PRKCE: variants seen among roughly 807,000 people sequenced by gnomAD.
PRKCE encodes the protein protein kinase C epsilon, also known as protein kinase C epsilon type.
A neutral mutation model predicts 85.4 loss-of-function variants in PRKCE; 16 were observed. The ratio of observed to expected loss-of-function variants is 0.19; its 90% CI spans 0.13 to 0.28. The LOEUF (loss-of-function observed/expected upper bound fraction) is 0.28. Ranked by LOEUF, PRKCE falls within the 10% of genes least tolerant of loss-of-function variation. The pLI is 1.00. For synonymous variants in PRKCE, 388 were observed against 371.5 expected, an observed-to-expected ratio of 1.04 and a Z score of -0.51; for missense variants, 573 against 975.2, an observed-to-expected ratio of 0.59 and a Z score of 5.49.
chr2:46,023,724 G>T (rs530702043), intron 10 of PRKCE, among the ~76,000 whole-genome samples: 1 of 152,246 alleles, frequency 6.6e-6, no homozygotes, highest in African/African-American at 2.4e-5. Context: ...GGAGGTTACC[G>T]GTTCCAGTGA....
chr2:45,847,009 G>A (rs959038818), intron 2 of PRKCE, among the ~76,000 whole-genome samples: 1 of 152,148 alleles, frequency 6.6e-6, no homozygotes, highest in Non-Finnish European at 1.5e-5. Context: ...CGCTGGGGTG[G>A]GACATGTTCA....
intron 10 of PRKCE, among the ~76,000 whole-genome samples, chr2:46,012,848 T>C (rs1366316713): frequency 6.6e-6 from 1 of 152,220 alleles, no homozygotes; most frequent in East Asian, 1.9e-4. Flanking sequence ...CAAAATGGTG[T>C]TGAATAACAC....
At position 45,839,946 on chromosome 2, in the gene PRKCE, T is replaced by C. The variant is rs181662577; in HGVS notation, c.349-3054T>C. Among the ~76,000 whole-genome samples, 138 of 152,370 alleles carry C rather than the reference T, an allele frequency of 9.1e-4. 1 individual carries two copies. The highest frequency in any genetic ancestry group is 3.2e-3 in the African/African-American group (135 of 41,584). The stretch of plus-strand genomic sequence containing the variant: ...CCAGCACGGAGGCTGCAGTGGGTGC[T>C]AAAATGCTTTCTGATTGCTATCTTG... On this transcript the variant is annotated intron_variant, in intron 1 of 14. Transcript: ENST00000306156.
At chr2:45,684,700 AT>A (rs1171081107) in intron 1 of PRKCE, among the ~76,000 whole-genome samples, 1 of 152,054 alleles carries the variant, frequency 6.6e-6, no homozygotes, top group Non-Finnish European at 1.5e-5. Flanking sequence ...CTGCACCTCG[AT>A]TTTCATTTCT....
At chr2:45,898,339 G>A (rs544671646) in intron 2 of PRKCE, among the ~76,000 whole-genome samples, 114 of 152,326 alleles carry the variant, frequency 7.5e-4, no homozygotes, top group Middle Eastern at 6.8e-3. Flanking sequence ...TTCAGTCTGA[G>A]CATGTTAGTG....
At chr2:45,684,911 C>T (rs979192822) in intron 1 of PRKCE, among the ~76,000 whole-genome samples, 3 of 152,174 alleles carry the variant, frequency 2.0e-5, no homozygotes, top group African/African-American at 7.2e-5. Context: ...AAAGAGGAAA[C>T]AGAAGGTAGA....
At chr2:45,990,751 T>C (rs1337070228) in intron 6 of PRKCE, among the ~76,000 whole-genome samples, 1 of 151,486 alleles carries the variant, frequency 6.6e-6, no homozygotes, top group Non-Finnish European at 1.5e-5. Context: ...AACTTTCACC[T>C]CCCAGGTTCA....
In PRKCE at chr2:45,979,018, G is replaced by T; in HGVS notation, c.607+8G>T. ...AGGGATACCAGTGTCAAGGTAAGAG[G>T]CATTTATGAATTAAATCTTCAGAGG... is the stretch of plus-strand genomic sequence containing the variant. On this transcript the variant is annotated splice_region_variant and intron_variant, in intron 4 of 14. Coordinates refer to ENST00000306156, the MANE Select transcript of PRKCE (RefSeq NM_005400.3). The T allele has an allele frequency of 1.9e-6, 3 of 1,598,694 alleles. No homozygotes were observed. Among genetic ancestry groups the T allele is most frequent in the Non-Finnish European group, 2.5e-6 (3 of 1,179,154 alleles).
At chr2:45,904,674 A>G (rs1183610024) in intron 2 of PRKCE, among the ~76,000 whole-genome samples, 5 of 152,176 alleles carry the variant, frequency 3.3e-5, no homozygotes, top group Non-Finnish European at 5.9e-5. Context: ...GGATCTCACC[A>G]GGAAGAAAAA....
chr2:45,988,916 T>C (rs950500201), intron 6 of PRKCE, among the ~76,000 whole-genome samples: 5 of 152,300 alleles, frequency 3.3e-5, no homozygotes, highest in East Asian at 1.9e-4. Flanking sequence ...TATTTTCCCA[T>C]TGACACATGG....
chr2:46,174,865 T>A (rs1288270332), intron 14 of PRKCE, among the ~76,000 whole-genome samples: 1 of 151,962 alleles, frequency 6.6e-6, no homozygotes, highest in Non-Finnish European at 1.5e-5. Context: ...AATTTTTGTA[T>A]TTTTTTGTAA....
At chr2:45,930,236 A>G (rs551193406) in intron 2 of PRKCE, among the ~76,000 whole-genome samples, 6 of 152,338 alleles carry the variant, frequency 3.9e-5, no homozygotes, top group African/African-American at 1.4e-4. Flanking sequence ...GAAATAGAGG[A>G]AGGCTAACTT....
intron 2 of PRKCE, among the ~76,000 whole-genome samples, chr2:45,898,941 A>C (rs1219688616): frequency 6.6e-6 from 1 of 152,222 alleles, no homozygotes. Flanking sequence ...TCCCAAAAAG[A>C]AAGCAGCCCC....
At chr2:45,781,080 C>T (rs547874363) in intron 1 of PRKCE, among the ~76,000 whole-genome samples, 1 of 152,248 alleles carries the variant, frequency 6.6e-6, no homozygotes, top group African/African-American at 2.4e-5. Flanking sequence ...AGGCTGTAAT[C>T]CCAGCACTTT....
chr2:45,787,183 C>T (rs888051761), intron 1 of PRKCE, among the ~76,000 whole-genome samples: 6 of 152,240 alleles, frequency 3.9e-5, no homozygotes, highest in African/African-American at 1.4e-4. Flanking sequence ...CGCTGAGCTT[C>T]TCAACAGGAG....
intron 2 of PRKCE, among the ~76,000 whole-genome samples, chr2:45,884,362 GTGACCTGTCCAGGGTTCATAGTA>G (rs1158248702): frequency 6.6e-6 from 1 of 152,226 alleles, no homozygotes; most frequent in African/African-American, 2.4e-5. Flanking sequence ...AAAACCAGAA[GTGACCTGTCCAGGGTTCATAGTA>G]TGACGACAGG....
rs1687638553 is a variant in PRKCE at position 45,798,848 on chromosome 2, C to T, written c.349-44152C>T. Among the ~76,000 whole-genome samples the T allele has an allele frequency of 2.6e-5, 4 of 151,352 alleles. No homozygotes were observed. In the South Asian group the frequency reaches 8.3e-4, roughly 31 times the overall value. Reference sequence around the variant, plus strand: ...ATTGTATTTCTTATTATTATGGGCACATAATTGGTGTTTTCTGTTTTTTAA... The same window carrying T: ...ATTGTATTTCTTATTATTATGGGCATATAATTGGTGTTTTCTGTTTTTTAA... On this transcript the variant is annotated intron_variant, in intron 1 of 14. Transcript: ENST00000306156.
intron 11 of PRKCE, among the ~76,000 whole-genome samples, chr2:46,113,136 A>T (rs1672431350): frequency 6.6e-6 from 1 of 152,182 alleles, no homozygotes; most frequent in South Asian, 2.1e-4. Context: ...CATGGACCTC[A>T]CAGCTGATTT....
At chr2:45,885,361 G>C (rs1300227262) in intron 2 of PRKCE, among the ~76,000 whole-genome samples, 1 of 152,152 alleles carries the variant, frequency 6.6e-6, no homozygotes, top group African/African-American at 2.4e-5. Context: ...CTAGGGAACA[G>C]AGCAAAGCTC....
Sources: allele counts gnomAD v4.1 joint callset (sites outside exome capture counted in the v4.1 genomes callset), GRCh38; gene constraint gnomAD v4.1.1; transcripts MANE v1.5; gene names NCBI Gene and HGNC (gene_info 2026-07-23, HGNC 2026-07-21).